Variants in NRXN1 observed in about 807,000 individuals in gnomAD.
The protein encoded by NRXN1 is neurexin-1.
NRXN1 carries 39 observed loss-of-function variants against 150.9 expected under a neutral mutation model. That is an observed-to-expected ratio of 0.26 (90% CI 0.20 to 0.34). NRXN1 has a LOEUF of 0.34. NRXN1 is among the 10% of genes least tolerant of loss of function. The pLI is 1.00. For missense variants in NRXN1, 1,815 were observed against 1,949.9 expected (o/e 0.93, Z 1.30); for synonymous variants, 924 against 757.0 (o/e 1.22, Z -3.62).
intron 8 of NRXN1, among the ~76,000 whole-genome samples, chr2:50,575,897 C>G (rs1671374038): frequency 6.6e-6 from 1 of 152,124 alleles, no homozygotes; most frequent in Admixed American, 6.6e-5. Context: ...CTCTCGTAAC[C>G]AGAAATCAAA....
chr2:50,308,714 C>T (rs919168137), intron 17 of NRXN1, among the ~76,000 whole-genome samples: 13 of 152,070 alleles, frequency 8.5e-5, no homozygotes, highest in African/African-American at 2.4e-4. Flanking sequence ...TTTCTTTCTG[C>T]GTCCGGCTTA....
At chr2:50,156,466 G>A (rs912709693) in intron 18 of NRXN1, among the ~76,000 whole-genome samples, 33 of 151,958 alleles carry the variant, frequency 2.2e-4, no homozygotes, top group Admixed American at 9.2e-4. Flanking sequence ...AAAAAATTAC[G>A]TAAATGGTTC....
intron 21 of NRXN1, among the ~76,000 whole-genome samples, chr2:50,031,010 G>C (rs1468392355): frequency 6.6e-6 from 1 of 151,970 alleles, no homozygotes; most frequent in African/African-American, 2.4e-5. Flanking sequence ...GACAAAAAAG[G>C]GTTCCTGGCT....
At chr2:50,411,542 A>G (rs1485152907) in intron 17 of NRXN1, among the ~76,000 whole-genome samples, 2 of 148,888 alleles carry the variant, frequency 1.3e-5, no homozygotes, top group Non-Finnish European at 3.0e-5. Flanking sequence ...AGATGTGAAG[A>G]GCGCCTCTGC....
chr2:50,871,761 T>C (rs1304990829), intron 5 of NRXN1, among the ~76,000 whole-genome samples: 1 of 151,902 alleles, frequency 6.6e-6, no homozygotes, highest in Non-Finnish European at 1.5e-5. Flanking sequence ...GAAGGATTTC[T>C]AAGTTTAGAA....
chr2:50,518,289 A>C (rs912593668), intron 12 of NRXN1, among the ~76,000 whole-genome samples: 2 of 152,052 alleles, frequency 1.3e-5, no homozygotes, highest in African/African-American at 4.8e-5. Flanking sequence ...AAATAAGCCT[A>C]ATACAATGAA....
chr2:50,986,530 T>C (rs1381457531), intron 2 of NRXN1, among the ~76,000 whole-genome samples: 1 of 151,730 alleles, frequency 6.6e-6, no homozygotes, highest in Non-Finnish European at 1.5e-5. Flanking sequence ...TTTCATGTGT[T>C]GTTACATTGT....
At chr2:49,974,843 A>C (rs1473587646) in intron 21 of NRXN1, among the ~76,000 whole-genome samples, 1 of 151,894 alleles carries the variant, frequency 6.6e-6, no homozygotes, top group Admixed American at 6.6e-5. Flanking sequence ...CATTAAAAAT[A>C]AAAACAAGCA....
chr2:50,887,054 A>G (rs901233808), intron 5 of NRXN1, among the ~76,000 whole-genome samples: 1 of 151,438 alleles, frequency 6.6e-6, no homozygotes, highest in Admixed American at 6.6e-5. Context: ...AGTCTTATTC[A>G]TCACTTTTAA....
chr2:49,934,824 AT>A (rs368513759), intron 22 of NRXN1, among the ~76,000 whole-genome samples: 2 of 151,886 alleles, frequency 1.3e-5, no homozygotes, highest in African/African-American at 4.8e-5. Flanking sequence ...AAAAAGCCCA[AT>A]TTTTTTCCCT....
intron 19 of NRXN1, among the ~76,000 whole-genome samples, chr2:50,078,792 A>G (rs1697475305): frequency 6.6e-6 from 1 of 152,122 alleles, no homozygotes; most frequent in Non-Finnish European, 1.5e-5. Flanking sequence ...CATGAAGTCA[A>G]TATTTTTTAT....
intron 21 of NRXN1, among the ~76,000 whole-genome samples, chr2:49,979,114 T>C (rs1448565298): frequency 6.6e-6 from 1 of 152,096 alleles, no homozygotes; most frequent in East Asian, 1.9e-4. Flanking sequence ...CTGGCCAACA[T>C]GGTGAAACCC....
chr2:50,099,295 C>T (rs1700695921), intron 18 of NRXN1, among the ~76,000 whole-genome samples: 1 of 152,064 alleles, frequency 6.6e-6, no homozygotes, highest in Non-Finnish European at 1.5e-5. Context: ...CTCATTGTAT[C>T]CTTCACCACA....
intron 2 of NRXN1, among the ~76,000 whole-genome samples, chr2:50,954,945 AT>A (rs1692034113): frequency 6.6e-6 from 1 of 152,114 alleles, no homozygotes. Context: ...AGATAAACAG[AT>A]TTAGCCAAGA....
intron 5 of NRXN1, among the ~76,000 whole-genome samples, chr2:50,742,123 A>C (rs2105277363): frequency 6.6e-6 from 1 of 152,262 alleles, no homozygotes; most frequent in South Asian, 2.1e-4. Flanking sequence ...TTTATCACTT[A>C]TTTTGTCCCA....
intron 18 of NRXN1, among the ~76,000 whole-genome samples, chr2:50,093,618 C>T (rs529178642): frequency 7.2e-5 from 11 of 152,082 alleles, no homozygotes; most frequent in Admixed American, 2.0e-4. Flanking sequence ...TGGTTGACAG[C>T]GTAAGACCCT....
chr2:50,142,318 A>G (rs1234877493), intron 18 of NRXN1, among the ~76,000 whole-genome samples: 1 of 151,828 alleles, frequency 6.6e-6, no homozygotes. Flanking sequence ...GTTCATGTGT[A>G]GAAAGGGGGT....
intron 5 of NRXN1, among the ~76,000 whole-genome samples, chr2:50,786,172 T>C (rs1473552309): frequency 6.6e-6 from 1 of 152,076 alleles, no homozygotes; most frequent in Non-Finnish European, 1.5e-5. Flanking sequence ...ATATATAAAA[T>C]ATGAATATTT....
At chr2:50,432,368 T>C (rs954363650) in intron 17 of NRXN1, 1 of 152,208 alleles carries the variant, frequency 6.6e-6, no homozygotes, top group Non-Finnish European at 1.5e-5. Flanking sequence ...AAAGAAATAC[T>C]GTCTAACCCA....
Sources: allele counts gnomAD v4.1 joint callset (sites outside exome capture counted in the v4.1 genomes callset), GRCh38; gene constraint gnomAD v4.1.1; transcripts MANE v1.5; gene names NCBI Gene and HGNC (gene_info 2026-07-23, HGNC 2026-07-21).